PDGFC: variants seen among roughly 807,000 people sequenced by gnomAD.
PDGFC encodes platelet derived growth factor C, also known as platelet-derived growth factor C.
Under a neutral mutation model 35.5 loss-of-function variants are expected in PDGFC, and 12 were observed. That is an observed-to-expected ratio of 0.34 (90% CI 0.22 to 0.55). The LOEUF (loss-of-function observed/expected upper bound fraction) is 0.55, where lower values mean the gene tolerates loss of function less well. PDGFC is among the 20% of genes least tolerant of loss of function. PDGFC has a pLI of 0.91. For missense variants in PDGFC, 322 were observed against 412.4 expected (o/e 0.78, Z 1.90); for synonymous variants, 159 against 148.8 (o/e 1.07, Z -0.50).
At chr4:156,807,958 T>G (rs186986040) in intron 3 of PDGFC, among the ~76,000 whole-genome samples, 134 of 152,154 alleles carry the variant, frequency 8.8e-4, no homozygotes, top group Non-Finnish European at 1.6e-3. Flanking sequence ...TTAACTTCAG[T>G]GGATGTCCCA....
intron 5 of PDGFC, among the ~76,000 whole-genome samples, chr4:156,763,913 A>G (rs1197248035): frequency 6.6e-6 from 1 of 152,226 alleles, no homozygotes; most frequent in East Asian, 1.9e-4. Flanking sequence ...AAAATACAGC[A>G]AGATTGACAC....
intron 1 of PDGFC, among the ~76,000 whole-genome samples, chr4:156,924,997 TTG>T (rs1418177662): frequency 3.3e-5 from 2 of 59,764 alleles, no homozygotes; most frequent in African/African-American, 1.6e-4. Flanking sequence ...GGGCTGGGCC[TTG>T]CAGGAGGCTT....
intron 3 of PDGFC, 111 bp downstream of exon 3, chr4:156,810,726 G>C: frequency 1.5e-6 from 1 of 687,024 alleles, no homozygotes; most frequent in Non-Finnish European, 2.5e-6. Context: ...TGAAATCCCA[G>C]CTAGGTTTGT....
chr4:156,949,679 CTG>C (rs1326103419), intron 1 of PDGFC, among the ~76,000 whole-genome samples: 5 of 151,898 alleles, frequency 3.3e-5, no homozygotes, highest in African/African-American at 4.8e-5. Flanking sequence ...ATTTTCTACA[CTG>C]TGCAAAGCCA....
At chr4:156,968,917 C>T (rs1254943257) in intron 1 of PDGFC, among the ~76,000 whole-genome samples, 1 of 152,170 alleles carries the variant, frequency 6.6e-6, no homozygotes, top group Non-Finnish European at 1.5e-5. Flanking sequence ...ACTCATCTCT[C>T]CTGGAGGTGT....
intron 1 of PDGFC, among the ~76,000 whole-genome samples, chr4:156,883,149 G>A (rs1023272317): frequency 6.6e-6 from 1 of 150,620 alleles, no homozygotes; most frequent in Non-Finnish European, 1.5e-5. Flanking sequence ...TGCCCTAGCT[G>A]TAGTACCATT....
intron 1 of PDGFC, among the ~76,000 whole-genome samples, chr4:156,901,595 C>CATTATTATTATTATTATT (rs111503240): frequency 6.7e-4 from 101 of 150,446 alleles, no homozygotes; most frequent in African/African-American, 2.3e-3. Flanking sequence ...GTATCTATTT[C>CATTATTATTATTATTATT]ATTATTATTA....
intron 2 of PDGFC, among the ~76,000 whole-genome samples, chr4:156,845,593 T>C (rs1729307571): frequency 6.6e-6 from 1 of 151,868 alleles, no homozygotes; most frequent in African/African-American, 2.4e-5. Flanking sequence ...TTATTGTCTA[T>C]AGACATATAA....
chr4:156,851,116 C>CA lies in PDGFC; in HGVS notation c.119-701dup, dbSNP rs1447250465. On this transcript the variant is annotated intron_variant, in intron 1 of 5. Coordinates refer to ENST00000502773, the MANE Select transcript of PDGFC (RefSeq NM_016205.3). ...TTAATAACAGCTCATTATTTGGACCCATAACTTCTGGGAAAAACAAAAAAG... is the reference window on the plus strand; with the variant it reads ...TTAATAACAGCTCATTATTTGGACCCAATAACTTCTGGGAAAAACAAAAAAG... 3.9e-5 allele frequency among the ~76,000 whole-genome samples: 6 copies of CA among 152,136 alleles called. No individual in the cohort carries two copies. The South Asian group carries it at 6.2e-4, about 16-fold the overall frequency.
intron 3 of PDGFC, among the ~76,000 whole-genome samples, chr4:156,791,249 AC>A (rs1365927585): frequency 6.6e-6 from 1 of 152,184 alleles, no homozygotes; most frequent in Non-Finnish European, 1.5e-5. Flanking sequence ...TGTCCTAGGT[AC>A]CCCACTATAA....
At chr4:156,911,648 G>A (rs1357983028) in intron 1 of PDGFC, among the ~76,000 whole-genome samples, 2 of 152,012 alleles carry the variant, frequency 1.3e-5, no homozygotes, top group East Asian at 1.9e-4. Flanking sequence ...AAAATTCTGA[G>A]GAATAGAGAA....
chr4:156,768,320 A>G (rs1434349714), intron 4 of PDGFC, among the ~76,000 whole-genome samples: 2 of 151,430 alleles, frequency 1.3e-5, no homozygotes, highest in African/African-American at 2.4e-5. Flanking sequence ...CCTTAGTAAA[A>G]AAAAAAAAAA....
intron 3 of PDGFC, among the ~76,000 whole-genome samples, chr4:156,782,261 C>CT (rs1731001512): frequency 6.6e-6 from 1 of 152,174 alleles, no homozygotes; most frequent in Non-Finnish European, 1.5e-5. Flanking sequence ...TGGCTGCTCA[C>CT]TTATCCTATG....
At chr4:156,859,145 T>C (rs1729650420) in intron 1 of PDGFC, among the ~76,000 whole-genome samples, 1 of 152,096 alleles carries the variant, frequency 6.6e-6, no homozygotes. Context: ...CTTTTTAAGC[T>C]CTGAATTGAG....
chr4:156,948,840 T>G (rs1732009566), intron 1 of PDGFC, among the ~76,000 whole-genome samples: 1 of 151,946 alleles, frequency 6.6e-6, no homozygotes, highest in South Asian at 2.1e-4. Context: ...CACTTAACAT[T>G]AGAGTGTGAG....
intron 2 of PDGFC, among the ~76,000 whole-genome samples, chr4:156,832,175 T>C (rs1560831844): frequency 6.6e-6 from 1 of 151,588 alleles, no homozygotes; most frequent in Non-Finnish European, 1.5e-5. Flanking sequence ...CTCCATGCAC[T>C]ATTTCTCCAC....
chr4:156,841,594 C>A (rs1323633789), intron 2 of PDGFC, among the ~76,000 whole-genome samples: 1 of 151,732 alleles, frequency 6.6e-6, no homozygotes, highest in Non-Finnish European at 1.5e-5. Context: ...GCAACCTCCA[C>A]CTCCCAGGTT....
At chr4:156,860,582 A>G (rs1729686850) in intron 1 of PDGFC, among the ~76,000 whole-genome samples, 1 of 151,256 alleles carries the variant, frequency 6.6e-6, no homozygotes, top group African/African-American at 2.4e-5. Flanking sequence ...ACTAATTGGG[A>G]AAAAAAAATG....
intron 1 of PDGFC, among the ~76,000 whole-genome samples, chr4:156,951,670 C>G (rs999476035): frequency 6.7e-6 from 1 of 148,820 alleles, no homozygotes; most frequent in East Asian, 2.0e-4. Flanking sequence ...CTATTCTGGA[C>G]AGAGAAAGGT....
Sources: gnomAD v4.1 joint callset for allele counts (sites outside exome capture counted in the v4.1 genomes callset) on GRCh38, gnomAD v4.1.1 for gene constraint, MANE v1.5 for transcripts, NCBI Gene and HGNC (gene_info 2026-07-23, HGNC 2026-07-21) for gene names.